The following NAAA variants were observed in gnomAD, a reference collection of about 807,000 sequenced individuals.
The protein encoded by NAAA is N-acylethanolamine-hydrolyzing acid amidase.
Under a neutral mutation model 44.8 loss-of-function variants are expected in NAAA, and 39 were observed. That is an observed-to-expected ratio of 0.87 (90% CI 0.67 to 1.14). NAAA has a LOEUF of 1.14. NAAA is among the 50% of genes most tolerant of loss of function. The pLI is 0.00. For synonymous variants in NAAA, 178 were observed against 191.3 expected (o/e 0.93, Z 0.58); for missense variants, 460 against 467.8 (o/e 0.98, Z 0.15).
chr4:75,920,555 G>A (rs1259255976), intron 7 of NAAA, among the ~76,000 whole-genome samples, 183 bp downstream of exon 7: 1 of 152,128 alleles, frequency 6.6e-6, no homozygotes, highest in African/African-American at 2.4e-5. Flanking sequence ...CTGCTGAGAG[G>A]CTCTGCCCAC....
rs549276694 is a variant in NAAA at position 75,937,405 on chromosome 4, T to A, written c.372-1170A>T. ...CTACACTCCAGCCTGAGTAACAGAG[T>A]GAGACTCCGTCTCAAACATAAATAA... On this transcript the variant is annotated intron_variant, in intron 2 of 10. Coordinates refer to ENST00000286733, the MANE Select transcript of NAAA (RefSeq NM_014435.4). 4.1e-4 allele frequency among the ~76,000 whole-genome samples: 62 copies of A among 152,188 alleles called. 1 individual carries two copies. The highest frequency in any genetic ancestry group is 1.5e-3 in the African/African-American group (62 of 41,530).
chr4:75,930,142 T>C (rs1301913531), intron 4 of NAAA, among the ~76,000 whole-genome samples: 1 of 151,982 alleles, frequency 6.6e-6, no homozygotes, highest in African/African-American at 2.4e-5. Flanking sequence ...AACAACACCA[T>C]GAAGTCAATC....
At chr4:75,932,965 A>T (rs112197434) in intron 3 of NAAA, among the ~76,000 whole-genome samples, 37,747 of 151,730 alleles carry the variant, frequency 0.25, 4,799 homozygotes, top group East Asian at 0.35. Flanking sequence ...TGAAACTCCA[A>T]CTCTACCAAA....
chr4:75,921,630 G>A (rs752850956), intron 5 of NAAA, among the ~76,000 whole-genome samples: 3 of 152,160 alleles, frequency 2.0e-5, no homozygotes, highest in Non-Finnish European at 4.4e-5. Flanking sequence ...TGCTATGGAC[G>A]TCACAGTAGG....
chr4:75,939,284 A>G (rs1309539591), intron 2 of NAAA, among the ~76,000 whole-genome samples: 1 of 152,218 alleles, frequency 6.6e-6, no homozygotes, highest in East Asian at 1.9e-4. Flanking sequence ...GGATAAATGC[A>G]GGGCGACAAA....
chr4:75,915,118 A>G, intron 9 of NAAA, 133 bp from the exon 10 acceptor site: 1 of 670,656 alleles, frequency 1.5e-6, no homozygotes, highest in Non-Finnish European at 2.6e-6. Context: ...TTTTAAATCT[A>G]TGAATCAAGA....
chr4:75,911,387 C>A, downstream of NAAA: 1 of 482,694 alleles, frequency 2.1e-6, no homozygotes, highest in Non-Finnish European at 4.2e-6. Context: ...TGAGATCATA[C>A]TATTGCAGTA....
chr4:75,915,844 T>TA (rs1725581205), intron 9 of NAAA, among the ~76,000 whole-genome samples: 1 of 152,198 alleles, frequency 6.6e-6, no homozygotes, highest in African/African-American at 2.4e-5. Context: ...ACAAGAGACC[T>TA]AAACAACTTG....
At chr4:75,913,057 G>A (rs949996238), downstream of NAAA, among the ~76,000 whole-genome samples, 2 of 147,648 alleles carry the variant, frequency 1.4e-5, no homozygotes, top group African/African-American at 5.4e-5. Flanking sequence ...CCTGGGAACC[G>A]AGACACTCCA....
chr4:75,920,454 A>G (rs1726039602), intron 7 of NAAA, among the ~76,000 whole-genome samples: 1 of 152,208 alleles, frequency 6.6e-6, no homozygotes, highest in African/African-American at 2.4e-5. Flanking sequence ...ACTGGTAAAC[A>G]GAGGCCCGAG....
At chr4:75,935,255 G>A (rs1325513022) in intron 3 of NAAA, 1 of 152,160 alleles carries the variant, frequency 6.6e-6, no homozygotes, top group African/African-American at 2.4e-5. Flanking sequence ...GTTAGTAAAT[G>A]AGTTTTTAGT....
chr4:75,940,911 C>A lies in NAAA; in HGVS notation c.39G>T (p.Pro13=). ...TADREARPGL[P]SLLLLLLAGA... is the part of the protein sequence containing the mutation. ...CGGCCAGCAGCAGCAGCAGCAGGGA[C>A]GGAAGCCCCGGGCGCGCCTCCCGGT... is the stretch of plus-strand genomic sequence containing the variant. The change falls in exon 1 of 11, where the codon CCG becomes CCT. Residue 13 remains proline (P), a synonymous_variant. Coordinates refer to ENST00000286733, the MANE Select transcript of NAAA (RefSeq NM_014435.4). 1 of 1,513,642 alleles carries A rather than the reference C, an allele frequency of 6.6e-7. No individual in the cohort carries two copies. 93.8% of individuals were successfully genotyped at this position (1,513,642 alleles called of 1,614,324 possible).
intron 1 of NAAA, 174 bp from the exon 2 acceptor site, chr4:75,940,339 G>A (rs945821895): frequency 6.1e-6 from 4 of 653,240 alleles, no homozygotes; most frequent in South Asian, 4.4e-5. Context: ...CCCGGGAGTG[G>A]GGGGAAGGGG....
Position 75,940,915 on chromosome 4 carries a change from A to G in NAAA, c.35T>C (p.Leu12Pro). ...CAGCAGCAGCAGCAGCAGGGACGGA[A>G]GCCCCGGGCGCGCCTCCCGGTCCGC... is the stretch of plus-strand genomic sequence containing the variant. Reference protein sequence around the residue: ...RTADREARPGLPSLLLLLLAG... With the variant: ...RTADREARPGPPSLLLLLLAG... Residue 12 changes from leucine (L) to proline (P), a missense_variant, in exon 1 of 11, where the codon CTT (leucine) becomes CCT (proline). Physicochemically the swap from Leu to Pro is moderately conservative, Grantham distance 98. Transcript: ENST00000286733. 1.3e-6 allele frequency: 2 copies of G among 1,510,950 alleles called. No homozygotes were observed. Among genetic ancestry groups the G allele is most frequent in the Non-Finnish European group, 8.8e-7 (1 of 1,138,304 alleles). 93.6% of individuals were successfully genotyped at this position (1,510,950 alleles called of 1,614,324 possible).
intron 5 of NAAA, among the ~76,000 whole-genome samples, chr4:75,924,317 G>A (rs896097815): frequency 2.6e-5 from 4 of 152,176 alleles, no homozygotes; most frequent in East Asian, 1.9e-4. Flanking sequence ...TATTAAGTAC[G>A]ATAAGCGTTC....
intron 5 of NAAA, among the ~76,000 whole-genome samples, chr4:75,921,408 G>T (rs547137150): frequency 3.9e-5 from 6 of 152,140 alleles, no homozygotes; most frequent in African/African-American, 1.4e-4. Context: ...CAGGCAGATC[G>T]CCCTCACAAA....
At chr4:75,940,373 A>G (rs1728154434) in intron 1 of NAAA, 1 of 591,660 alleles carries the variant, frequency 1.7e-6, no homozygotes, top group Non-Finnish European at 2.9e-6. Context: ...GGCGGGTAAG[A>G]AAACTCCGAA....
chr4:75,914,841 C>T, intron 10 of NAAA, 27 bp downstream of exon 10: 1 of 1,551,292 alleles, frequency 6.4e-7, no homozygotes. Flanking sequence ...CACCTCACCC[C>T]CTCTCCACAA....
At chr4:75,926,454 G>C (rs1726697658) in intron 4 of NAAA, among the ~76,000 whole-genome samples, 1 of 151,166 alleles carries the variant, frequency 6.6e-6, no homozygotes, top group Non-Finnish European at 1.5e-5. Flanking sequence ...CCAGCTACTT[G>C]GGAGGCTGAG....
Sources: gnomAD v4.1 joint callset for allele counts (sites outside exome capture counted in the v4.1 genomes callset) on GRCh38, gnomAD v4.1.1 for gene constraint, MANE v1.5 for transcripts, NCBI Gene and HGNC (gene_info 2026-07-23, HGNC 2026-07-21) for gene names.